FAM171A1: variants seen among roughly 807,000 people sequenced by gnomAD.
The protein encoded by FAM171A1 is protein FAM171A1.
In FAM171A1, 23 loss-of-function variants were observed where a neutral mutation model predicts 74.9. The ratio of observed to expected loss-of-function variants is 0.31; its 90% CI spans 0.22 to 0.44. FAM171A1 has a LOEUF of 0.44. Ranked by LOEUF, FAM171A1 falls within the 20% of genes least tolerant of loss-of-function variation. The pLI, the probability that FAM171A1 is intolerant of heterozygous loss-of-function variation, is 1.00. For missense variants in FAM171A1, 1,162 were observed against 1,159.2 expected (o/e 1.00, Z -0.03); for synonymous variants, 527 against 505.7 (o/e 1.04, Z -0.57).
At chr10:15,237,095 C>A (rs1451343801) in intron 5 of FAM171A1, among the ~76,000 whole-genome samples, 1 of 152,158 alleles carries the variant, frequency 6.6e-6, no homozygotes, top group Non-Finnish European at 1.5e-5. Flanking sequence ...CTTGAGGCTC[C>A]TGGGTGATGG....
Position 15,291,088 on chromosome 10 carries a change from G to A in FAM171A1, c.98-6983C>T, listed in dbSNP as rs373648860. Among the ~76,000 whole-genome samples, 573 of 152,248 alleles carry A rather than the reference G, an allele frequency of 3.8e-3. 2 individuals carry two copies. Among genetic ancestry groups the A allele is most frequent in the African/African-American group, 0.013 (529 of 41,544 alleles). On this transcript the variant is annotated intron_variant, in intron 1 of 7. Transcript: ENST00000378116. ...TGGTCTCAGACTTCTGGGCTCAGGC[G>A]ATCCTCCTGCCTCAACCTCCCAAAG... is the stretch of plus-strand genomic sequence containing the variant.
chr10:15,254,922 T>A (rs754665982), intron 3 of FAM171A1, 43 bp from the exon 4 acceptor site: 2 of 1,586,778 alleles, frequency 1.3e-6, no homozygotes, highest in East Asian at 4.5e-5. Context: ...AGGAGCAGTT[T>A]CTGTTTTTAG....
chr10:15,282,866 CCTGTCTCAGG>C (rs1378662709), intron 2 of FAM171A1, among the ~76,000 whole-genome samples: 31 of 152,206 alleles, frequency 2.0e-4, no homozygotes, highest in African/African-American at 7.2e-4. Context: ...CTCCTGGGGT[CCTGTCTCAGG>C]CCCACTGTCC....
intron 1 of FAM171A1, among the ~76,000 whole-genome samples, chr10:15,360,280 T>G (rs561582829): frequency 6.6e-6 from 1 of 152,308 alleles, no homozygotes; most frequent in South Asian, 2.1e-4. Flanking sequence ...GAGACTTGAC[T>G]GAACCATGCT....
At chr10:15,350,632 C>T (rs532885498) in intron 1 of FAM171A1, among the ~76,000 whole-genome samples, 1 of 148,202 alleles carries the variant, frequency 6.7e-6, no homozygotes, top group South Asian at 2.1e-4. Context: ...TGAGCCACTG[C>T]GCCCAGCCAA....
At chr10:15,351,472 T>C (rs779273564) in intron 1 of FAM171A1, among the ~76,000 whole-genome samples, 14 of 152,066 alleles carry the variant, frequency 9.2e-5, no homozygotes, top group East Asian at 1.9e-4. Context: ...AGGAACAAAA[T>C]AGAGAATGGA....
chr10:15,223,876 G>A (rs1564614792), intron 5 of FAM171A1, among the ~76,000 whole-genome samples: 1 of 152,154 alleles, frequency 6.6e-6, no homozygotes, highest in African/African-American at 2.4e-5. Context: ...TCCAGCCTGG[G>A]CGACAGAGCA....
chr10:15,296,113 T>C (rs550078352), intron 1 of FAM171A1, among the ~76,000 whole-genome samples: 88 of 152,310 alleles, frequency 5.8e-4, no homozygotes, highest in African/African-American at 2.1e-3. Context: ...GCTTTCTATT[T>C]ATACTTCTTT....
At chr10:15,245,067 T>G (rs1834414888) in intron 5 of FAM171A1, among the ~76,000 whole-genome samples, 1 of 151,998 alleles carries the variant, frequency 6.6e-6, no homozygotes, top group Non-Finnish European at 1.5e-5. Context: ...TTTTTCTTAT[T>G]TATTTATTTA....
intron 3 of FAM171A1, among the ~76,000 whole-genome samples, chr10:15,265,425 C>T (rs1035341503): frequency 2.0e-5 from 3 of 151,492 alleles, no homozygotes; most frequent in African/African-American, 7.3e-5. Context: ...CGAGCCTGGG[C>T]AACATGGTGA....
upstream of FAM171A1, among the ~76,000 whole-genome samples, chr10:15,371,321 C>T (rs1836146138): frequency 6.9e-6 from 1 of 145,738 alleles, no homozygotes; most frequent in Admixed American, 6.8e-5. Flanking sequence ...CCGCCGCCGC[C>T]GCTGCCCGCG....
intron 3 of FAM171A1, among the ~76,000 whole-genome samples, chr10:15,262,875 T>C (rs1834677081): frequency 6.6e-6 from 1 of 152,142 alleles, no homozygotes; most frequent in Non-Finnish European, 1.5e-5. Context: ...GACACTGCCA[T>C]GTCCTCTTCG....
chr10:15,227,593 A>T (rs1256946719), intron 5 of FAM171A1, among the ~76,000 whole-genome samples: 1 of 151,294 alleles, frequency 6.6e-6, no homozygotes, highest in Non-Finnish European at 1.5e-5. Flanking sequence ...ATTGCCCAGG[A>T]TGGTCTTGAA....
At chr10:15,276,727 C>T (rs1371204947) in intron 2 of FAM171A1, among the ~76,000 whole-genome samples, 1 of 152,164 alleles carries the variant, frequency 6.6e-6, no homozygotes, top group Non-Finnish European at 1.5e-5. Flanking sequence ...CTCTGTCACT[C>T]AGGCTGGAGT....
chr10:15,288,161 T>C (rs1835060504), intron 1 of FAM171A1, among the ~76,000 whole-genome samples: 1 of 152,232 alleles, frequency 6.6e-6, no homozygotes, highest in Non-Finnish European at 1.5e-5. Flanking sequence ...ATCCACTCAT[T>C]GACTGACGGG....
chr10:15,325,714 T>A (rs1588554776), intron 1 of FAM171A1, among the ~76,000 whole-genome samples: 1 of 152,126 alleles, frequency 6.6e-6, no homozygotes, highest in Non-Finnish European at 1.5e-5. Context: ...ATTTGTCTTA[T>A]CTCCATGTTA....
At chr10:15,347,535 C>T (rs1197843258) in intron 1 of FAM171A1, among the ~76,000 whole-genome samples, 1 of 151,922 alleles carries the variant, frequency 6.6e-6, no homozygotes, top group Non-Finnish European at 1.5e-5. Flanking sequence ...AAGTATTTAC[C>T]TAGAAAAAGC....
intron 1 of FAM171A1, among the ~76,000 whole-genome samples, chr10:15,292,281 T>G (rs1835111206): frequency 6.6e-6 from 1 of 152,114 alleles, no homozygotes; most frequent in Non-Finnish European, 1.5e-5. Flanking sequence ...AAACAAACTT[T>G]CAGAACACAG....
chr10:15,371,022 G>A lies in FAM171A1; in HGVS notation c.31C>T (p.Leu11=). The part of the protein sequence containing the change: MSRSATLLLC[L]LGCHVWKAVT... ...GCCTTCCAGACGTGGCAGCCCAGCA[G>A]GCACAGCAGCAGCGTCGCGGACCTG... is the stretch of plus-strand genomic sequence containing the variant. Residue 11 remains leucine (L), a synonymous_variant, in exon 1 of 8, where the codon CTG becomes TTG. Transcript: ENST00000378116. The A allele has an allele frequency of 3.4e-6, 4 of 1,184,580 alleles. No homozygotes were observed. The highest frequency in any genetic ancestry group is 1.5e-5 in the South Asian group (1 of 66,586). The allele number at this position is 1,184,580 out of a possible 1,614,324, so 73.4% of individuals were successfully genotyped here.
Sources: allele counts gnomAD v4.1 joint callset (sites outside exome capture counted in the v4.1 genomes callset), GRCh38; gene constraint gnomAD v4.1.1; transcripts MANE v1.5; gene names NCBI Gene and HGNC (gene_info 2026-07-23, HGNC 2026-07-21).